The following CSMD1 variants were observed in gnomAD, a reference collection of about 807,000 sequenced individuals.
CSMD1 encodes CUB and sushi domain-containing protein 1.
Under a neutral mutation model 417.5 loss-of-function variants are expected in CSMD1, and 213 were observed. The ratio of observed to expected loss-of-function variants is 0.51; its 90% CI spans 0.46 to 0.57. CSMD1 has a LOEUF of 0.57. Among genes scored for constraint, CSMD1 ranks in the 20% least tolerant of loss-of-function variants. The probability of loss-of-function intolerance (pLI) is 0.00; values close to 1 mark genes in which losing one functional copy is unlikely to be tolerated. For missense variants in CSMD1, 6,923 were observed against 4,529.7 expected, an observed-to-expected ratio of 1.53 and a Z score of -15.17; for synonymous variants, 2,862 against 1,736.8, an observed-to-expected ratio of 1.65 and a Z score of -16.11.
chr8:3,822,910 G>A (rs73658293), intron 5 of CSMD1, among the ~76,000 whole-genome samples: 1 of 152,162 alleles, frequency 6.6e-6, no homozygotes, highest in African/African-American at 2.4e-5. Context: ...ACTGTGCAGA[G>A]CTAAGTAAAG....
chr8:3,046,106 C>T (rs1339665993), intron 50 of CSMD1, among the ~76,000 whole-genome samples: 2 of 152,132 alleles, frequency 1.3e-5, no homozygotes, highest in Non-Finnish European at 1.5e-5. Flanking sequence ...TCTTCTACCG[C>T]CATGGAACTC....
chr8:3,202,811 C>T (rs1797058656), intron 31 of CSMD1, among the ~76,000 whole-genome samples: 1 of 152,190 alleles, frequency 6.6e-6, no homozygotes, highest in Admixed American at 6.5e-5. Flanking sequence ...CAACTCCATA[C>T]ACACATATCT....
chr8:4,080,886 G>A (rs973858770), intron 3 of CSMD1, among the ~76,000 whole-genome samples: 1 of 152,162 alleles, frequency 6.6e-6, no homozygotes, highest in South Asian at 2.1e-4. Flanking sequence ...TTTAGACTTA[G>A]ACCCAAGGTG....
intron 3 of CSMD1, among the ~76,000 whole-genome samples, chr8:4,217,284 G>C (rs1166146194): frequency 6.6e-6 from 1 of 152,182 alleles, no homozygotes; most frequent in Non-Finnish European, 1.5e-5. Context: ...TTTCATATAA[G>C]CCAAGTGTCC....
At chr8:3,956,618 C>G (rs770578440) in intron 5 of CSMD1, among the ~76,000 whole-genome samples, 8 of 152,116 alleles carry the variant, frequency 5.3e-5, no homozygotes, top group Non-Finnish European at 7.4e-5. Flanking sequence ...ATTCTGATAA[C>G]AAGACTAAAA....
intron 6 of CSMD1, among the ~76,000 whole-genome samples, chr8:3,729,712 A>G (rs1802712225): frequency 6.6e-6 from 1 of 152,022 alleles, no homozygotes; most frequent in South Asian, 2.1e-4. Context: ...CTAAGTCCCT[A>G]TCACTTCCAC....
At chr8:3,884,396 T>A (rs773421816) in intron 5 of CSMD1, among the ~76,000 whole-genome samples, 23 of 152,008 alleles carry the variant, frequency 1.5e-4, no homozygotes, top group Non-Finnish European at 2.8e-4. Flanking sequence ...AAAAGTGGCA[T>A]CTTCTAGCAC....
intron 18 of CSMD1, among the ~76,000 whole-genome samples, chr8:3,377,079 G>T (rs544144028): frequency 6.6e-6 from 1 of 152,264 alleles, no homozygotes; most frequent in South Asian, 2.1e-4. Context: ...TGTGATCTTG[G>T]CTCTCTGCAG....
chr8:3,450,568 T>G (rs980010283), intron 12 of CSMD1, among the ~76,000 whole-genome samples: 18 of 151,874 alleles, frequency 1.2e-4, no homozygotes, highest in African/African-American at 4.1e-4. Context: ...AGTGTTTGTT[T>G]TTTTTTTGTC....
chr8:4,750,772 G>A (rs1038254519), intron 1 of CSMD1, among the ~76,000 whole-genome samples: 1 of 151,832 alleles, frequency 6.6e-6, no homozygotes, highest in Non-Finnish European at 1.5e-5. Context: ...AAAAAAAGTA[G>A]TATTAGCATA....
intron 1 of CSMD1, among the ~76,000 whole-genome samples, chr8:4,745,974 G>C (rs900834382): frequency 5.9e-5 from 9 of 152,152 alleles, no homozygotes; most frequent in Non-Finnish European, 1.2e-4. Context: ...TTGAAGTACA[G>C]GCTAAGAATC....
At chr8:3,302,271 A>T (rs4875572) in intron 25 of CSMD1, among the ~76,000 whole-genome samples, 137,589 of 152,162 alleles carry the variant, frequency 0.9, 62,515 homozygotes, top group Middle Eastern at 0.96. Context: ...TCCTGAAATA[A>T]CTCTAGAAGT....
At chr8:4,596,248 A>T (rs539986229) in intron 2 of CSMD1, among the ~76,000 whole-genome samples, 2 of 152,208 alleles carry the variant, frequency 1.3e-5, no homozygotes, top group African/African-American at 4.8e-5. Flanking sequence ...AGGACAGTAT[A>T]TTAACTATTG....
At chr8:3,487,918 T>C (rs1003873589) in intron 11 of CSMD1, among the ~76,000 whole-genome samples, 14 of 152,280 alleles carry the variant, frequency 9.2e-5, no homozygotes, top group South Asian at 2.1e-4. Context: ...TTAATGGTTT[T>C]GTTTTTAAAC....
intron 5 of CSMD1, among the ~76,000 whole-genome samples, chr8:3,789,590 G>C (rs906238627): frequency 6.6e-6 from 1 of 151,440 alleles, no homozygotes; most frequent in African/African-American, 2.4e-5. Flanking sequence ...AAGCTTATAT[G>C]ACTAGAGATA....
At chr8:3,452,570 A>G (rs1330090166) in intron 12 of CSMD1, among the ~76,000 whole-genome samples, 1 of 152,198 alleles carries the variant, frequency 6.6e-6, no homozygotes, top group East Asian at 1.9e-4. Flanking sequence ...ATCTATTGAG[A>G]TAATCATGTG....
intron 12 of CSMD1, among the ~76,000 whole-genome samples, chr8:3,439,417 CTAT>C (rs1814821983): frequency 3.4e-5 from 5 of 147,694 alleles, no homozygotes; most frequent in African/African-American, 1.3e-4. Flanking sequence ...ACACAGTGTT[CTAT>C]GTGTTTATGG....
intron 1 of CSMD1, among the ~76,000 whole-genome samples, chr8:4,913,341 C>A (rs927052061): frequency 6.6e-6 from 1 of 152,182 alleles, no homozygotes; most frequent in African/African-American, 2.4e-5. Flanking sequence ...TACAGCCTCA[C>A]CTCTGTCCCT....
chr8:3,558,849 A>T (rs985564978), intron 10 of CSMD1, among the ~76,000 whole-genome samples: 2 of 125,246 alleles, frequency 1.6e-5, no homozygotes, highest in African/African-American at 7.9e-5. Flanking sequence ...ATGGTGTCTC[A>T]GTAGTACCCC....
Sources: allele counts gnomAD v4.1 joint callset (sites outside exome capture counted in the v4.1 genomes callset), GRCh38; gene constraint gnomAD v4.1.1; transcripts MANE v1.5; gene names NCBI Gene and HGNC (gene_info 2026-07-23, HGNC 2026-07-21).